SCHIP1: variants seen among roughly 807,000 people sequenced by gnomAD.
SCHIP1 encodes schwannomin-interacting protein 1.
In SCHIP1, 8 loss-of-function variants were observed where a neutral mutation model predicts 29.7. The observed-to-expected ratio is 0.27, with a 90% CI of 0.16 to 0.49. SCHIP1 has a LOEUF of 0.49. SCHIP1 is among the 20% of genes least tolerant of loss of function. The pLI is 0.99. For missense variants in SCHIP1, 193 were observed against 294.6 expected (o/e 0.66, Z 2.52); for synonymous variants, 76 against 94.9 (o/e 0.80, Z 1.16).
chr3:159,407,169 T>C, the SCHIP1 span, among the ~76,000 whole-genome samples: 11 of 152,046 alleles, frequency 7.2e-5, no homozygotes, highest in Non-Finnish European at 1.3e-4. Flanking sequence ...TATAAAGATA[T>C]ACATAAACCA....
the SCHIP1 span, among the ~76,000 whole-genome samples, chr3:159,662,587 CTG>C: frequency 6.6e-6 from 1 of 152,294 alleles, no homozygotes; most frequent in Middle Eastern, 3.4e-3. Flanking sequence ...TGGCTGTCTT[CTG>C]TGTGTATGCT....
chr3:159,711,360 CAAAAAAAAAAAAAAAAAAAAAA>C, the SCHIP1 span, among the ~76,000 whole-genome samples: 29 of 6,750 alleles, frequency 4.3e-3, 3 homozygotes, highest in African/African-American at 0.016. Flanking sequence ...GACTCCGTCT[CAAAAAAAAAAAAAAAAAAAAAA>C]AAAAAAAAAA....
the SCHIP1 span, among the ~76,000 whole-genome samples, chr3:159,690,186 TG>T: frequency 6.6e-6 from 1 of 152,228 alleles, no homozygotes; most frequent in Non-Finnish European, 1.5e-5. Context: ...AGCTCCTTTT[TG>T]TACCTCTGGT....
chr3:159,445,619 A>G, the SCHIP1 span, among the ~76,000 whole-genome samples: 1 of 152,198 alleles, frequency 6.6e-6, no homozygotes, highest in Non-Finnish European at 1.5e-5. Flanking sequence ...AAAGACTTGG[A>G]ACCAACCCAA....
the SCHIP1 span, among the ~76,000 whole-genome samples, chr3:159,323,417 G>A: frequency 1.4e-4 from 21 of 152,220 alleles, no homozygotes; most frequent in East Asian, 4.0e-3. Flanking sequence ...GCATTGCTTT[G>A]CACCCTTTTT....
chr3:159,857,755 A>C (rs1184289335), intron 1 of SCHIP1, among the ~76,000 whole-genome samples: 1 of 152,116 alleles, frequency 6.6e-6, no homozygotes, highest in Non-Finnish European at 1.5e-5. Flanking sequence ...CCACTTTATA[A>C]ATTTCTGTCT....
At chr3:159,449,265 GA>G in the SCHIP1 span, among the ~76,000 whole-genome samples, 19 of 74,028 alleles carry the variant, frequency 2.6e-4, no homozygotes, top group African/African-American at 9.7e-4. Flanking sequence ...TCTTGGATAA[GA>G]ACACAAGCCT....
At chr3:159,719,991 T>A in the SCHIP1 span, among the ~76,000 whole-genome samples, 1 of 152,116 alleles carries the variant, frequency 6.6e-6, no homozygotes, top group African/African-American at 2.4e-5. Flanking sequence ...CAAATGTCCA[T>A]CAATGATAGA....
At chr3:159,545,383 T>G in the SCHIP1 span, among the ~76,000 whole-genome samples, 2 of 151,842 alleles carry the variant, frequency 1.3e-5, no homozygotes, top group Non-Finnish European at 2.9e-5. Context: ...CAGAAAAATG[T>G]GAAAAAAGAG....
the SCHIP1 span, among the ~76,000 whole-genome samples, chr3:159,385,663 C>T: frequency 6.6e-6 from 1 of 151,278 alleles, no homozygotes; most frequent in African/African-American, 2.4e-5. Context: ...AAATGAAACA[C>T]TTGTTCAAAA....
chr3:159,608,075 A>C, the SCHIP1 span, among the ~76,000 whole-genome samples: 1 of 152,186 alleles, frequency 6.6e-6, no homozygotes, highest in African/African-American at 2.4e-5. Flanking sequence ...GCCCTCAGAA[A>C]GTCAGATGTG....
the SCHIP1 span, among the ~76,000 whole-genome samples, chr3:159,745,369 T>C: frequency 6.6e-6 from 1 of 152,212 alleles, no homozygotes; most frequent in Non-Finnish European, 1.5e-5. Flanking sequence ...TAAATGCCCC[T>C]GCCTGCTCCC....
the SCHIP1 span, chr3:159,274,422 G>T: frequency 1.1e-6 from 1 of 914,192 alleles, no homozygotes; most frequent in Non-Finnish European, 1.3e-6. Context: ...GAAATGTATA[G>T]AGTGGCAGCT....
chr3:159,770,304 G>A, the SCHIP1 span, among the ~76,000 whole-genome samples: 1 of 152,202 alleles, frequency 6.6e-6, no homozygotes, highest in Non-Finnish European at 1.5e-5. Flanking sequence ...TTGTCACCCA[G>A]GCTGGAGTGC....
the SCHIP1 span, among the ~76,000 whole-genome samples, chr3:159,823,291 G>A: frequency 1.3e-5 from 2 of 152,176 alleles, no homozygotes; most frequent in South Asian, 2.1e-4. Flanking sequence ...ACAGCAATGG[G>A]CGGTAGGTGG....
At chr3:159,543,666 C>T in the SCHIP1 span, among the ~76,000 whole-genome samples, 45 of 151,526 alleles carry the variant, frequency 3.0e-4, 1 homozygote, top group East Asian at 3.7e-3. Flanking sequence ...TGAATAGTGC[C>T]GCAATAAACA....
At chr3:159,732,697 G>A in the SCHIP1 span, among the ~76,000 whole-genome samples, 8 of 152,332 alleles carry the variant, frequency 5.3e-5, no homozygotes, top group East Asian at 1.4e-3. Context: ...TTCAGCTGGG[G>A]AAGAGGGACA....
At chr3:159,695,901 C>T in the SCHIP1 span, among the ~76,000 whole-genome samples, 2 of 152,096 alleles carry the variant, frequency 1.3e-5, no homozygotes, top group African/African-American at 4.8e-5. Context: ...TTCACCAAGC[C>T]TTATGGGCTT....
At chr3:159,446,437 A>G in the SCHIP1 span, among the ~76,000 whole-genome samples, 37,916 of 124,022 alleles carry the variant, frequency 0.31, 6,526 homozygotes, top group East Asian at 0.43. Flanking sequence ...CAGCAATACA[A>G]TATTGTTGCA....
Sources: allele counts gnomAD v4.1 joint callset (sites outside exome capture counted in the v4.1 genomes callset), GRCh38; gene constraint gnomAD v4.1.1; transcripts MANE v1.5; gene names NCBI Gene and HGNC (gene_info 2026-07-23, HGNC 2026-07-21).